The following PIP5K1B variants were observed in gnomAD, a reference collection of about 807,000 sequenced individuals.
The protein encoded by PIP5K1B is phosphatidylinositol 4-phosphate 5-kinase type-1 beta.
Under a neutral mutation model 67.0 loss-of-function variants are expected in PIP5K1B, and 42 were observed. The observed-to-expected ratio is 0.63, with a 90% CI of 0.49 to 0.81. PIP5K1B has a LOEUF of 0.81. Ranked by LOEUF, PIP5K1B falls within the 30% of genes least tolerant of loss-of-function variation. The pLI is 0.00. For synonymous variants in PIP5K1B, 214 were observed against 231.4 expected (o/e 0.92, Z 0.68); for missense variants, 459 against 646.3 (o/e 0.71, Z 3.14).
chr9:68,976,839 C>T (rs1172636050), intron 14 of PIP5K1B, among the ~76,000 whole-genome samples: 1 of 152,230 alleles, frequency 6.6e-6, no homozygotes, highest in Non-Finnish European at 1.5e-5. Flanking sequence ...TCACCCACCA[C>T]TCACCTCCTG....
intron 2 of PIP5K1B, among the ~76,000 whole-genome samples, chr9:68,800,909 A>G (rs899429977): frequency 5.9e-5 from 9 of 152,280 alleles, no homozygotes; most frequent in Admixed American, 5.9e-4. Flanking sequence ...CAAGTGTTGG[A>G]ATACTTTGAG....
Position 68,705,462 on chromosome 9 carries a change from G to A in PIP5K1B, c.-543G>A, listed in dbSNP as rs989543382. 14 of 151,746 alleles carry A rather than the reference G, an allele frequency of 9.2e-5. No individual in the cohort carries two copies. The highest frequency in any genetic ancestry group is 1.9e-4 in the Non-Finnish European group (13 of 68,050). The allele number at this position is 151,746 out of a possible 1,614,324, so 9.4% of individuals were successfully genotyped here. On this transcript the variant is annotated 5_prime_UTR_variant, in exon 1 of 16. Coordinates refer to ENST00000265382, the MANE Select transcript of PIP5K1B (RefSeq NM_003558.4). ...GGCGGGGAAGGAAGGGGAAAGCGGGGACACACACACTCGCCGCGGCGCGCG... is the reference window on the plus strand; with the variant it reads ...GGCGGGGAAGGAAGGGGAAAGCGGGAACACACACACTCGCCGCGGCGCGCG...
At chr9:68,816,652 G>A (rs1054369543) in intron 2 of PIP5K1B, among the ~76,000 whole-genome samples, 4 of 152,172 alleles carry the variant, frequency 2.6e-5, no homozygotes, top group African/African-American at 9.7e-5. Flanking sequence ...AAAACTTAAT[G>A]TATGCTAAAG....
At chr9:68,848,028 A>T (rs1440516014) in intron 4 of PIP5K1B, among the ~76,000 whole-genome samples, 1 of 152,128 alleles carries the variant, frequency 6.6e-6, no homozygotes, top group Non-Finnish European at 1.5e-5. Flanking sequence ...ATCTAGGTTC[A>T]AGGGCCAGCT....
chr9:68,751,612 T>C (rs1430738498), intron 2 of PIP5K1B, among the ~76,000 whole-genome samples: 3 of 152,220 alleles, frequency 2.0e-5, no homozygotes, highest in Non-Finnish European at 4.4e-5. Context: ...TGGGTAATTA[T>C]ATGGCCCTTC....
intron 2 of PIP5K1B, among the ~76,000 whole-genome samples, chr9:68,790,609 C>T (rs4745268): frequency 0.4 from 60,174 of 152,006 alleles, 13,033 homozygotes; most frequent in African/African-American, 0.57. Context: ...CACACACACA[C>T]ATACACACAC....
intron 8 of PIP5K1B, among the ~76,000 whole-genome samples, chr9:68,912,755 C>T (rs140712697): frequency 4.4e-4 from 67 of 152,304 alleles, no homozygotes; most frequent in African/African-American, 1.5e-3. Flanking sequence ...GCAGCCACAC[C>T]AGCTCCTGCT....
chr9:68,904,004 C>G (rs1825491281), intron 8 of PIP5K1B, among the ~76,000 whole-genome samples: 1 of 152,196 alleles, frequency 6.6e-6, no homozygotes, highest in Non-Finnish European at 1.5e-5. Flanking sequence ...GCCAGACAAT[C>G]TATTACATAT....
intron 6 of PIP5K1B, among the ~76,000 whole-genome samples, chr9:68,888,139 C>T (rs997199029): frequency 1.3e-5 from 2 of 151,998 alleles, no homozygotes; most frequent in South Asian, 2.1e-4. Flanking sequence ...CCACCACGCC[C>T]GGCCAATTTT....
intron 12 of PIP5K1B, among the ~76,000 whole-genome samples, chr9:68,933,271 C>T (rs879475713): frequency 1.5e-5 from 2 of 137,428 alleles, no homozygotes; most frequent in Non-Finnish European, 3.1e-5. Flanking sequence ...ACATGTATCC[C>T]AGAACTTAAA....
chr9:68,742,168 A>G (rs1475218718), intron 1 of PIP5K1B: 1 of 152,186 alleles, frequency 6.6e-6, no homozygotes, highest in Non-Finnish European at 1.5e-5. Flanking sequence ...TTTAGTGGGA[A>G]GTTTTACTAC....
At chr9:68,922,644 C>G (rs1826469131) in intron 11 of PIP5K1B, among the ~76,000 whole-genome samples, 1 of 152,046 alleles carries the variant, frequency 6.6e-6, no homozygotes, top group Non-Finnish European at 1.5e-5. Context: ...ATCCCCTTTC[C>G]TGGATTTGTA....
chr9:68,830,648 G>A (rs368646595), intron 4 of PIP5K1B, among the ~76,000 whole-genome samples: 3 of 152,092 alleles, frequency 2.0e-5, no homozygotes, highest in Non-Finnish European at 4.4e-5. Flanking sequence ...ATAGGAAATC[G>A]TATTCTACAC....
intron 2 of PIP5K1B, chr9:68,782,293 A>G (rs1268035244): frequency 6.0e-6 from 1 of 167,116 alleles, no homozygotes; most frequent in Non-Finnish European, 1.5e-5. Flanking sequence ...TGCAAGAGAA[A>G]ATTAGTGGAG....
At chr9:68,723,705 T>TTTTG (rs1422394179) in intron 1 of PIP5K1B, among the ~76,000 whole-genome samples, 1 of 148,248 alleles carries the variant, frequency 6.7e-6, no homozygotes, top group Non-Finnish European at 1.5e-5. Flanking sequence ...GTTTTTTTTT[T>TTTTG]TTTTTTTTTT....
intron 2 of PIP5K1B, among the ~76,000 whole-genome samples, chr9:68,759,894 C>T (rs1412952206): frequency 1.3e-5 from 2 of 151,900 alleles, no homozygotes; most frequent in Non-Finnish European, 2.9e-5. Flanking sequence ...TTTAAATTAC[C>T]TGTATGGCTT....
intron 15 of PIP5K1B, among the ~76,000 whole-genome samples, chr9:69,004,362 T>C (rs1830972504): frequency 6.6e-6 from 1 of 151,870 alleles, no homozygotes; most frequent in Admixed American, 6.6e-5. Flanking sequence ...TGTGTGTGTG[T>C]GTGTGTGTAC....
At chr9:68,893,100 G>A (rs886572717) in intron 7 of PIP5K1B, among the ~76,000 whole-genome samples, 8 of 151,616 alleles carry the variant, frequency 5.3e-5, no homozygotes, top group African/African-American at 1.9e-4. Flanking sequence ...AAAATTTAAG[G>A]CAACACATTT....
intron 2 of PIP5K1B, among the ~76,000 whole-genome samples, chr9:68,799,034 A>G (rs547348754): frequency 6.6e-6 from 1 of 152,310 alleles, no homozygotes; most frequent in Non-Finnish European, 1.5e-5. Context: ...TGAGATGGGA[A>G]AGTTTGCAGG....
Sources: allele counts gnomAD v4.1 joint callset (sites outside exome capture counted in the v4.1 genomes callset), GRCh38; gene constraint gnomAD v4.1.1; transcripts MANE v1.5; gene names NCBI Gene and HGNC (gene_info 2026-07-23, HGNC 2026-07-21).